KLHL32: variants seen among roughly 807,000 people sequenced by gnomAD.
The protein encoded by KLHL32 is kelch like family member 32, also known as kelch-like protein 32.
Under a neutral mutation model 64.8 loss-of-function variants are expected in KLHL32, and 35 were observed. The observed-to-expected ratio is 0.54, with a 90% CI of 0.41 to 0.72. KLHL32 has a LOEUF of 0.72. Ranked by LOEUF, KLHL32 falls within the 30% of genes least tolerant of loss-of-function variation. KLHL32 has a pLI of 0.00. For synonymous variants in KLHL32, 259 were observed against 281.0 expected (o/e 0.92, Z 0.78); for missense variants, 589 against 768.5 (o/e 0.77, Z 2.76).
chr6:96,922,195 A>C (rs189009730), upstream of KLHL32, among the ~76,000 whole-genome samples: 156 of 152,260 alleles, frequency 1.0e-3, no homozygotes, highest in African/African-American at 3.6e-3. Flanking sequence ...ACACTACCAC[A>C]ACTGAGGGAC....
chr6:97,015,218 G>A (rs1181174323), intron 3 of KLHL32, among the ~76,000 whole-genome samples: 2 of 152,174 alleles, frequency 1.3e-5, no homozygotes, highest in Non-Finnish European at 2.9e-5. Context: ...TGCAGTGTGA[G>A]AATGGACCAG....
At chr6:97,114,593 A>C (rs754424641) in intron 7 of KLHL32, 84 bp downstream of exon 7, 42 of 1,512,816 alleles carry the variant, frequency 2.8e-5, no homozygotes, top group Non-Finnish European at 3.7e-5. Flanking sequence ...TACTGTGGCC[A>C]TGTGTAATTG....
At chr6:96,912,447 T>C in the KLHL32 span, among the ~76,000 whole-genome samples, 5 of 152,168 alleles carry the variant, frequency 3.3e-5, no homozygotes, top group Admixed American at 3.3e-4. Flanking sequence ...TAGCACCCAT[T>C]GTGATTTTTC....
At chr6:97,105,836 AT>A (rs1378357911) in intron 6 of KLHL32, among the ~76,000 whole-genome samples, 1 of 152,192 alleles carries the variant, frequency 6.6e-6, no homozygotes, top group Non-Finnish European at 1.5e-5. Context: ...GCTTTAAAAG[AT>A]TTGATCACTC....
chr6:97,076,204 A>T (rs942563631), intron 5 of KLHL32, among the ~76,000 whole-genome samples: 5 of 152,220 alleles, frequency 3.3e-5, no homozygotes, highest in African/African-American at 1.2e-4. Flanking sequence ...TACAAAAGAA[A>T]TGACAGCTAT....
At chr6:96,935,601 C>G (rs1411706016) in intron 1 of KLHL32, among the ~76,000 whole-genome samples, 2 of 152,098 alleles carry the variant, frequency 1.3e-5, no homozygotes, top group Non-Finnish European at 2.9e-5. Context: ...GGCCATCCAG[C>G]CAAAATTATC....
chr6:96,999,715 C>G (rs1053119060), intron 3 of KLHL32, among the ~76,000 whole-genome samples: 2 of 151,910 alleles, frequency 1.3e-5, no homozygotes, highest in Non-Finnish European at 2.9e-5. Context: ...AATATTTTAT[C>G]TTATTTGATA....
At chr6:97,131,663 A>G (rs1799457395) in intron 9 of KLHL32, among the ~76,000 whole-genome samples, 1 of 152,202 alleles carries the variant, frequency 6.6e-6, no homozygotes, top group Non-Finnish European at 1.5e-5. Context: ...AATAATAGGA[A>G]AAATCACAAA....
intron 3 of KLHL32, among the ~76,000 whole-genome samples, chr6:96,996,320 G>T (rs1778416935): frequency 6.6e-6 from 1 of 152,222 alleles, no homozygotes; most frequent in South Asian, 2.1e-4. Context: ...TTAGAGGCTG[G>T]GCGTGCTCCT....
intron 4 of KLHL32, among the ~76,000 whole-genome samples, chr6:97,056,465 G>T (rs1582872303): frequency 1.3e-5 from 2 of 151,982 alleles, no homozygotes; most frequent in South Asian, 4.2e-4. Flanking sequence ...CTTTTATTCT[G>T]TGCCACCACC....
At chr6:97,019,179 A>C (rs1331138558) in intron 3 of KLHL32, among the ~76,000 whole-genome samples, 1 of 152,234 alleles carries the variant, frequency 6.6e-6, no homozygotes, top group African/African-American at 2.4e-5. Flanking sequence ...AAATTACAAA[A>C]TATTTAAAAC....
chr6:97,018,425 T>TAA (rs59522299), intron 3 of KLHL32, among the ~76,000 whole-genome samples: 62 of 135,312 alleles, frequency 4.6e-4, no homozygotes, highest in East Asian at 1.5e-3. Flanking sequence ...TGTCTCTACT[T>TAA]AAAAAAAAAA....
chr6:97,123,947 G>T (rs1207114546), intron 7 of KLHL32, among the ~76,000 whole-genome samples: 1 of 152,130 alleles, frequency 6.6e-6, no homozygotes, highest in African/African-American at 2.4e-5. Context: ...TTTTTGTATA[G>T]TCAAATCTGT....
At chr6:96,923,857 C>G (rs1287680121), upstream of KLHL32, among the ~76,000 whole-genome samples, 2 of 152,196 alleles carry the variant, frequency 1.3e-5, no homozygotes, top group African/African-American at 2.4e-5. Flanking sequence ...TGGTGGAATA[C>G]TTACCTATTA....
Position 97,057,228 on chromosome 6 carries a change from G to T in KLHL32, c.313-7400G>T, listed in dbSNP as rs1332211269. On this transcript the variant is annotated intron_variant, in intron 4 of 10. Coordinates refer to ENST00000369261, the MANE Select transcript of KLHL32 (RefSeq NM_052904.4). ...AGACGGAGTTTCGCTCTGTCGCCCA[G>T]GCTGGAGTGCAGTGGCGCGATCTCG... Among the ~76,000 whole-genome samples the T allele has an allele frequency of 4.2e-5, 3 of 71,000 alleles. 1 individual carries two copies. The highest frequency in any genetic ancestry group is 6.7e-5 in the Non-Finnish European group (3 of 45,064). The allele number at this position is 71,000 out of a possible 152,430, so 46.6% of individuals were successfully genotyped here.
intron 6 of KLHL32, among the ~76,000 whole-genome samples, chr6:97,112,013 G>T (rs571290900): frequency 6.6e-6 from 1 of 151,076 alleles, no homozygotes; most frequent in African/African-American, 2.4e-5. Context: ...TGTGTCAGGG[G>T]TTTTTATGGG....
At chr6:97,032,117 A>G (rs1480059224) in intron 3 of KLHL32, among the ~76,000 whole-genome samples, 4 of 152,252 alleles carry the variant, frequency 2.6e-5, no homozygotes, top group African/African-American at 4.8e-5. Flanking sequence ...CCACATGACT[A>G]GTAGTTTATA....
intron 3 of KLHL32, among the ~76,000 whole-genome samples, chr6:97,023,292 T>C (rs1317478359): frequency 6.6e-6 from 1 of 152,226 alleles, no homozygotes; most frequent in Non-Finnish European, 1.5e-5. Flanking sequence ...CTTTCCCCTC[T>C]GGGGTTTTGG....
chr6:97,046,521 A>G (rs1785951038), intron 4 of KLHL32, among the ~76,000 whole-genome samples: 1 of 152,186 alleles, frequency 6.6e-6, no homozygotes, highest in African/African-American at 2.4e-5. Context: ...TCAGTCCATG[A>G]GGGCTTAGAC....
Sources: allele counts gnomAD v4.1 joint callset (sites outside exome capture counted in the v4.1 genomes callset), GRCh38; gene constraint gnomAD v4.1.1; transcripts MANE v1.5; gene names NCBI Gene and HGNC (gene_info 2026-07-23, HGNC 2026-07-21).